NRXN1: variants seen among roughly 807,000 people sequenced by gnomAD.
NRXN1 encodes the protein neurexin-1.
Under a neutral mutation model 150.9 loss-of-function variants are expected in NRXN1, and 39 were observed. The ratio of observed to expected loss-of-function variants is 0.26; its 90% CI spans 0.20 to 0.34. NRXN1 has a LOEUF of 0.34. Among genes scored for constraint, NRXN1 ranks in the 10% least tolerant of loss-of-function variants. The pLI is 1.00. For missense variants in NRXN1, 1,815 were observed against 1,949.9 expected (o/e 0.93, Z 1.30); for synonymous variants, 924 against 757.0 (o/e 1.22, Z -3.62).
At chr2:50,000,823 G>C (rs1030101175) in intron 21 of NRXN1, among the ~76,000 whole-genome samples, 1 of 152,134 alleles carries the variant, frequency 6.6e-6, no homozygotes, top group Non-Finnish European at 1.5e-5. Flanking sequence ...AAACTGGTGA[G>C]CAAGGCAGGC....
At position 49,921,724 on chromosome 2, in the gene NRXN1, G is replaced by A. The variant is rs1346257034; in HGVS notation, c.*220C>T. 1.8e-6 allele frequency: 1 copy of A among 553,754 alleles called. No individual in the cohort carries two copies. The highest frequency in any genetic ancestry group is 3.4e-5 in the Admixed American group (1 of 29,522). The allele number at this position is 553,754 out of a possible 1,614,324, so 34.3% of individuals were successfully genotyped here. A position where few individuals can be genotyped will look rare whatever the true frequency, so the allele number is the denominator to read the frequency against. Reference sequence around the variant, plus strand: ...GTAAATGAAAACACTGTGGATGTTAGGGAATTTATTGGCCCCTGTTTTTTG... The same window carrying A: ...GTAAATGAAAACACTGTGGATGTTAAGGAATTTATTGGCCCCTGTTTTTTG... On this transcript the variant is annotated 3_prime_UTR_variant, in exon 23 of 23. Coordinates refer to ENST00000401669, the MANE Select transcript of NRXN1 (RefSeq NM_001330078.2).
chr2:50,807,682 A>T (rs1667684479), intron 5 of NRXN1, among the ~76,000 whole-genome samples: 1 of 152,162 alleles, frequency 6.6e-6, no homozygotes, highest in South Asian at 2.1e-4. Context: ...TGTACTAATT[A>T]GATCTGACCT....
intron 17 of NRXN1, among the ~76,000 whole-genome samples, chr2:50,295,371 T>C (rs753621730): frequency 1.3e-5 from 2 of 152,286 alleles, no homozygotes; most frequent in Non-Finnish European, 2.9e-5. Context: ...TTATGAAAGA[T>C]CATTAGACAA....
chr2:50,929,889 A>G (rs889605220), intron 2 of NRXN1, among the ~76,000 whole-genome samples: 1 of 152,096 alleles, frequency 6.6e-6, no homozygotes, highest in Non-Finnish European at 1.5e-5. Flanking sequence ...GAATGCTTCA[A>G]GCACTGGGAA....
intron 18 of NRXN1, among the ~76,000 whole-genome samples, chr2:50,232,766 C>G (rs1176317168): frequency 6.6e-6 from 1 of 151,910 alleles, no homozygotes; most frequent in South Asian, 2.1e-4. Flanking sequence ...AAATAATGGA[C>G]AGATATAAAA....
Position 50,346,759 on chromosome 2 carries a change from C to G in NRXN1, c.3365-109789G>C, listed in dbSNP as rs1171675052. 6.2e-7 allele frequency: 1 copy of G among 1,613,926 alleles called. No individual in the cohort carries two copies. Among genetic ancestry groups the G allele is most frequent in the South Asian group, 1.1e-5 (1 of 91,084 alleles). ...AGGCACTGAATGATGCTTGCTGCTG[C>G]CATGGAAATGGTGGATGTGGTGCGC... On this transcript the variant is annotated intron_variant, in intron 17 of 22. Coordinates refer to ENST00000401669, the MANE Select transcript of NRXN1 (RefSeq NM_001330078.2). This position sits in a 1 kb window ranked among gnomAD's most constrained non-coding sequence, Gnocchi z 5.0.
intron 5 of NRXN1, among the ~76,000 whole-genome samples, chr2:50,716,130 C>CATCT (rs1303323354): frequency 2.6e-5 from 4 of 152,146 alleles, no homozygotes; most frequent in Non-Finnish European, 5.9e-5. Context: ...TTGGCACAAA[C>CATCT]ATCTATTCCA....
chr2:50,606,633 A>AATAATAATAATAAT, intron 8 of NRXN1, among the ~76,000 whole-genome samples: 1 of 105,660 alleles, frequency 9.5e-6, no homozygotes, highest in Admixed American at 9.1e-5. Context: ...ATAATAATAA[A>AATAATAATAATAAT]ATAAAACTTC....
At chr2:50,130,145 G>T (rs1558939453) in intron 18 of NRXN1, among the ~76,000 whole-genome samples, 1 of 152,056 alleles carries the variant, frequency 6.6e-6, no homozygotes, top group Non-Finnish European at 1.5e-5. Flanking sequence ...TTCCACTGAT[G>T]TCCTCCCTAG....
intron 5 of NRXN1, among the ~76,000 whole-genome samples, chr2:50,844,257 G>A (rs1055716094): frequency 2.0e-5 from 3 of 152,136 alleles, no homozygotes; most frequent in Non-Finnish European, 4.4e-5. Context: ...CAATCTTCCC[G>A]GACGTCACCT....
chr2:50,812,183 A>G (rs1332748146), intron 5 of NRXN1, among the ~76,000 whole-genome samples: 1 of 152,188 alleles, frequency 6.6e-6, no homozygotes, highest in Non-Finnish European at 1.5e-5. Flanking sequence ...TAATGAATCC[A>G]TCTGAAAACA....
At chr2:49,972,769 T>C (rs902021888) in intron 21 of NRXN1, 1 of 152,198 alleles carries the variant, frequency 6.6e-6, no homozygotes, top group African/African-American at 2.4e-5. Context: ...ACCACAGATA[T>C]GACATTCTGT....
At chr2:50,953,690 T>C (rs1212307189) in intron 2 of NRXN1, among the ~76,000 whole-genome samples, 3 of 151,584 alleles carry the variant, frequency 2.0e-5, no homozygotes, top group African/African-American at 7.3e-5. Context: ...GGCCTCCCAA[T>C]AGCTGTGATT....
At chr2:49,941,442 A>G (rs112599940) in intron 22 of NRXN1, among the ~76,000 whole-genome samples, 309 of 151,822 alleles carry the variant, frequency 2.0e-3, no homozygotes, top group African/African-American at 7.2e-3. Flanking sequence ...CCAGAGCAAA[A>G]GACAGACAGT....
chr2:50,482,850 C>T (rs953494717), intron 15 of NRXN1, among the ~76,000 whole-genome samples: 10 of 151,766 alleles, frequency 6.6e-5, no homozygotes, highest in African/African-American at 1.5e-4. Flanking sequence ...AATCCCAGCA[C>T]TTTGGGAGGC....
rs10585013 is a variant in NRXN1 at position 50,415,955 on chromosome 2, CAAAAAAAA to C, written c.3364+49479_3364+49486del. The stretch of plus-strand genomic sequence containing the variant: ...CTGTTAGTAGTTATTCAACAACATA[CAAAAAAAA>C]AAAAAAAAAAGCTTGGACTAGTACC... On this transcript the variant is annotated intron_variant, in intron 17 of 22. Transcript: ENST00000401669. Among the ~76,000 whole-genome samples the C allele has an allele frequency of 2.3e-5, 2 of 88,834 alleles. 1 individual carries two copies. The highest frequency in any genetic ancestry group is 6.0e-5 in the African/African-American group (2 of 33,410). 58.3% of individuals were successfully genotyped at this position (88,834 alleles called of 152,430 possible).
At chr2:50,225,306 C>T (rs2064265367) in intron 18 of NRXN1, among the ~76,000 whole-genome samples, 1 of 151,792 alleles carries the variant, frequency 6.6e-6, no homozygotes, top group Admixed American at 6.6e-5. Flanking sequence ...TCTCCATTCA[C>T]TCAGGTATGC....
chr2:50,307,110 G>A (rs2074691737), intron 17 of NRXN1, among the ~76,000 whole-genome samples: 3 of 151,920 alleles, frequency 2.0e-5, no homozygotes, highest in Admixed American at 6.6e-5. Flanking sequence ...TCAGCCTCCT[G>A]AGCATCTGGG....
chr2:50,503,586 A>G (rs766196195), intron 13 of NRXN1, among the ~76,000 whole-genome samples: 9 of 152,104 alleles, frequency 5.9e-5, no homozygotes, highest in Non-Finnish European at 1.3e-4. Context: ...AAAAATAGGA[A>G]AGAAGGGAGA....
Sources: gnomAD v4.1 joint callset for allele counts (sites outside exome capture counted in the v4.1 genomes callset) on GRCh38, gnomAD v4.1.1 for gene constraint, Gnocchi (gnomAD v3.1) non-coding constraint, MANE v1.5 for transcripts, NCBI Gene and HGNC (gene_info 2026-07-23, HGNC 2026-07-21) for gene names.